The following MMRN1 variants were observed in gnomAD, a reference collection of about 807,000 sequenced individuals.
MMRN1 encodes the protein multimerin-1.
A neutral mutation model predicts 100.7 loss-of-function variants in MMRN1; 94 were observed. The ratio of observed to expected loss-of-function variants is 0.93; its 90% CI spans 0.79 to 1.11. The LOEUF is 1.11. Among genes scored for constraint, MMRN1 ranks in the 50% least tolerant of loss-of-function variants. MMRN1 has a pLI of 0.00. For synonymous variants in MMRN1, 575 were observed against 505.0 expected (o/e 1.14, Z -1.86); for missense variants, 1,606 against 1,439.1 (o/e 1.12, Z -1.88).
In MMRN1 at chr4:89,950,663, C is replaced by A. The variant is rs1479428; in HGVS notation, c.3119-942C>A. On this transcript the variant is annotated intron_variant, in intron 6 of 7. Coordinates refer to ENST00000264790, the MANE Select transcript of MMRN1 (RefSeq NM_007351.3). ...AATGATTTGCCTACTGATACATTCT[C>A]CGTTTTTTAACTTATTTTTTTCTGA... is the stretch of plus-strand genomic sequence containing the variant. Among the ~76,000 whole-genome samples the A allele has an allele frequency of 8.4e-3, 1,273 of 152,018 alleles. 21 individuals carry two copies. Among genetic ancestry groups the A allele is most frequent in the African/African-American group, 0.029 (1,200 of 41,458 alleles).
chr4:89,930,525 C>T (rs61611959), intron 5 of MMRN1, among the ~76,000 whole-genome samples: 29,471 of 151,746 alleles, frequency 0.19, 4,911 homozygotes, highest in African/African-American at 0.45. Flanking sequence ...TCAATAAAGC[C>T]TAAATTTTAT....
intron 5 of MMRN1, among the ~76,000 whole-genome samples, chr4:89,933,931 T>C (rs895289030): frequency 6.6e-6 from 1 of 152,192 alleles, no homozygotes; most frequent in African/African-American, 2.4e-5. Context: ...TTTCTTTGTA[T>C]GCAAGTTTTT....
chr4:89,939,647 A>G (rs1241907434), intron 6 of MMRN1, among the ~76,000 whole-genome samples: 1 of 152,154 alleles, frequency 6.6e-6, no homozygotes, highest in Non-Finnish European at 1.5e-5. Flanking sequence ...GGCCAGCTAG[A>G]CTCAGGGCTC....
intron 3 of MMRN1, among the ~76,000 whole-genome samples, chr4:89,915,417 T>C (rs1721880686): frequency 6.6e-6 from 1 of 151,602 alleles, no homozygotes; most frequent in Non-Finnish European, 1.5e-5. Context: ...CATGCAAGTT[T>C]TCACTTGATA....
At chr4:89,917,786 A>G (rs913370147) in intron 3 of MMRN1, among the ~76,000 whole-genome samples, 2 of 151,842 alleles carry the variant, frequency 1.3e-5, no homozygotes, top group East Asian at 3.9e-4. Flanking sequence ...TAAGTTTGTA[A>G]TTTTATTAAC....
At position 89,935,030 on chromosome 4, in the gene MMRN1, G is replaced by A; in HGVS notation, c.1350G>A (p.Arg450=). ...QQKFVLVQEN[R]PTLTDIVELR... is the part of the protein sequence containing the mutation. ...AGTTTGTTTTGGTGCAAGAGAATCG[G>A]CCCACTTTGACTGATATAGTGGAAC... Residue 450 remains arginine (R), a synonymous_variant, in exon 6 of 8, where the codon CGG becomes CGA. Transcript: ENST00000264790. The A allele has an allele frequency of 1.9e-6, 3 of 1,613,202 alleles. No individual in the cohort carries two copies. The highest frequency in any genetic ancestry group is 2.5e-6 in the Non-Finnish European group (3 of 1,179,646).
At chr4:89,907,742 A>G (rs1288420158) in intron 1 of MMRN1, among the ~76,000 whole-genome samples, 1 of 150,536 alleles carries the variant, frequency 6.6e-6, no homozygotes, top group Non-Finnish European at 1.5e-5. Context: ...TAATTCACAT[A>G]TTGTATACTT....
intron 1 of MMRN1, among the ~76,000 whole-genome samples, chr4:89,901,109 CA>C (rs1721370204): frequency 9.0e-6 from 1 of 111,682 alleles, no homozygotes; most frequent in South Asian, 2.6e-4. Context: ...TGAAGGAAGG[CA>C]AAAGAGAGCC....
chr4:89,921,818 C>G (rs1722098632), intron 3 of MMRN1, among the ~76,000 whole-genome samples: 1 of 152,074 alleles, frequency 6.6e-6, no homozygotes, highest in South Asian at 2.1e-4. Context: ...TAGACTCACC[C>G]AAATTAATGC....
chr4:89,900,670 A>G (rs1721355102), intron 1 of MMRN1, among the ~76,000 whole-genome samples: 1 of 152,096 alleles, frequency 6.6e-6, no homozygotes, highest in African/African-American at 2.4e-5. Context: ...GAACAGTGCC[A>G]GGTGCATAGA....
intron 3 of MMRN1, among the ~76,000 whole-genome samples, chr4:89,913,933 T>C (rs1224914148): frequency 6.6e-6 from 1 of 151,420 alleles, no homozygotes; most frequent in Non-Finnish European, 1.5e-5. Flanking sequence ...AATTCTAATA[T>C]AGCTTTGATT....
chr4:89,879,586 G>A (rs1020138033), exon 1 of MMRN1: 4 of 152,088 alleles, frequency 2.6e-5, no homozygotes, highest in Admixed American at 6.6e-5. Context: ...TTATAACCAC[G>A]GGCAAAGAAT....
rs1228010918 is a variant in MMRN1 at position 89,935,787 on chromosome 4, A to G, written c.2107A>G (p.Arg703Gly). The G allele has an allele frequency of 1.2e-6, 2 of 1,613,050 alleles. No individual in the cohort carries two copies. Among genetic ancestry groups the G allele is most frequent in the Non-Finnish European group, 1.7e-6 (2 of 1,179,584 alleles). ...ACTTACAAAAAGACACAACTTACTT[A>G]GAAATGAAGTACAGGGTCGTGATGA... ...KELTKRHNLL[R>G]NEVQGRDDAL... The change falls in exon 6 of 8, where the codon AGA (arginine) becomes GGA (glycine). Residue 703 changes from arginine to glycine, a missense_variant. Transcript: ENST00000264790.
At chr4:89,942,254 C>T (rs574153358) in intron 6 of MMRN1, among the ~76,000 whole-genome samples, 112 of 152,126 alleles carry the variant, frequency 7.4e-4, no homozygotes, top group Non-Finnish European at 1.3e-3. Flanking sequence ...GGATTTGAAA[C>T]GAAATTTGAT....
At chr4:89,894,772 T>A, upstream of MMRN1, 1 of 865,158 alleles carries the variant, frequency 1.2e-6, no homozygotes, top group Non-Finnish European at 1.7e-6. Context: ...CCACTAGAGG[T>A]CACAGATCAC....
At chr4:89,913,869 G>A (rs1721831409) in intron 3 of MMRN1, among the ~76,000 whole-genome samples, 1 of 151,304 alleles carries the variant, frequency 6.6e-6, no homozygotes, top group Non-Finnish European at 1.5e-5. Flanking sequence ...AATCTACAAT[G>A]GGAATAATGT....
chr4:89,927,395 T>A (rs895519973), intron 4 of MMRN1, among the ~76,000 whole-genome samples: 4 of 152,028 alleles, frequency 2.6e-5, no homozygotes, highest in African/African-American at 9.7e-5. Context: ...ATGAGATTAC[T>A]TTTTTTTCTT....
chr4:89,926,579 T>G (rs1363303454), intron 4 of MMRN1, among the ~76,000 whole-genome samples: 1 of 152,196 alleles, frequency 6.6e-6, no homozygotes, highest in Non-Finnish European at 1.5e-5. Context: ...TTCTGTGGGT[T>G]GTGTCTTGAC....
At chr4:89,899,240 G>T in intron 1 of MMRN1, among the ~76,000 whole-genome samples, 1 of 151,200 alleles carries the variant, frequency 6.6e-6, no homozygotes, top group Non-Finnish European at 1.5e-5. Flanking sequence ...AGGAACTCCT[G>T]GCCAAAATAG....
Sources: gnomAD v4.1 joint callset for allele counts (sites outside exome capture counted in the v4.1 genomes callset) on GRCh38, gnomAD v4.1.1 for gene constraint, MANE v1.5 for transcripts, NCBI Gene and HGNC (gene_info 2026-07-23, HGNC 2026-07-21) for gene names.